ATE1: variants seen among roughly 807,000 people sequenced by gnomAD.
ATE1 encodes the protein arginyl-tRNA--protein transferase 1.
Under a neutral mutation model 70.5 loss-of-function variants are expected in ATE1, and 36 were observed. The ratio of observed to expected loss-of-function variants is 0.51; its 90% CI spans 0.39 to 0.67. ATE1 has a LOEUF of 0.67. ATE1 is among the 30% of genes least tolerant of loss of function. The probability of loss-of-function intolerance (pLI) is 0.00; values close to 1 mark genes in which losing one functional copy is unlikely to be tolerated. For missense variants in ATE1, 593 were observed against 629.5 expected, an observed-to-expected ratio of 0.94 and a Z score of 0.62; for synonymous variants, 232 against 219.3, an observed-to-expected ratio of 1.06 and a Z score of -0.51.
chr10:121,890,556 T>C (rs528039407), intron 7 of ATE1, among the ~76,000 whole-genome samples: 22 of 152,302 alleles, frequency 1.4e-4, no homozygotes, highest in African/African-American at 4.6e-4. Flanking sequence ...ATGTTGATAA[T>C]AAAATTTGGG....
rs372290142 is a variant in ATE1, at chr10:121,906,528, C to CAAAATAAAATAAAAT, written c.584-3923_584-3909dup. Among the ~76,000 whole-genome samples the CAAAATAAAATAAAAT allele has an allele frequency of 3.8e-3, 556 of 146,036 alleles. 1 individual carries two copies. The highest frequency in any genetic ancestry group is 0.031 in the East Asian group (151 of 4,912). Reference sequence around the variant, plus strand: ...TGGGAGACAGAGTAAGACCCTGTCTCAAAATAAAATAAAATAAAATAAAAA... The same window carrying CAAAATAAAATAAAAT: ...TGGGAGACAGAGTAAGACCCTGTCTCAAAATAAAATAAAATAAAATAAAATAAAATAAAATAAAAA... On this transcript the variant is annotated intron_variant, in intron 5 of 11. Coordinates refer to ENST00000224652, the MANE Select transcript of ATE1 (RefSeq NM_001001976.3).
intron 11 of ATE1, among the ~76,000 whole-genome samples, chr10:121,789,960 A>C (rs1946368362): frequency 6.7e-6 from 1 of 150,272 alleles, no homozygotes. Flanking sequence ...GTGCACGAGC[A>C]CGTGAGGTTT....
chr10:121,792,404 T>C (rs183348968), intron 10 of ATE1, among the ~76,000 whole-genome samples: 4 of 152,284 alleles, frequency 2.6e-5, no homozygotes, highest in African/African-American at 9.6e-5. Context: ...TAGGAGCAGA[T>C]AACAGGGTGA....
At chr10:121,900,116 T>C (rs1032028829) in intron 6 of ATE1, 122 bp from the exon 7 acceptor site, 3 of 1,090,350 alleles carry the variant, frequency 2.8e-6, no homozygotes, top group Admixed American at 5.9e-5. Context: ...AGCACCTAAA[T>C]ATTTTAATAT....
intron 11 of ATE1, among the ~76,000 whole-genome samples, chr10:121,786,661 T>C (rs1946227269): frequency 6.6e-6 from 1 of 152,062 alleles, no homozygotes; most frequent in Non-Finnish European, 1.5e-5. Flanking sequence ...AAATCTTTAT[T>C]AGACACTGGG....
intron 8 of ATE1, among the ~76,000 whole-genome samples, chr10:121,852,940 TGACA>T (rs1949110190): frequency 6.6e-6 from 1 of 152,206 alleles, no homozygotes; most frequent in South Asian, 2.1e-4. Flanking sequence ...ATTTTCTGGC[TGACA>T]ATTAGACACT....
intron 4 of ATE1, among the ~76,000 whole-genome samples, chr10:121,913,406 G>A (rs1951522727): frequency 6.6e-6 from 1 of 152,088 alleles, no homozygotes; most frequent in African/African-American, 2.4e-5. Context: ...AAAGGAATAG[G>A]GCAATCTTGT....
At position 121,743,438 on chromosome 10, in the gene ATE1, C is replaced by T. The variant is rs188545293; in HGVS notation, c.*242G>A. On this transcript the variant is annotated 3_prime_UTR_variant, in exon 12 of 12. Coordinates refer to ENST00000224652, the MANE Select transcript of ATE1 (RefSeq NM_001001976.3). ...GAGCGTATCTTGCTCTAGAAAGAAT[C>T]CTCCAAAATGATAAATCCCAATTAT... is the stretch of plus-strand genomic sequence containing the variant. 4.5e-4 allele frequency: 299 copies of T among 664,612 alleles called. 3 individuals are homozygous for T. The African/African-American group carries it at 5.0e-3, about 11-fold the overall frequency. 41.2% of individuals were successfully genotyped at this position (664,612 alleles called of 1,614,324 possible).
At chr10:121,762,671 C>T (rs1243750868) in intron 11 of ATE1, among the ~76,000 whole-genome samples, 1 of 152,154 alleles carries the variant, frequency 6.6e-6, no homozygotes, top group African/African-American at 2.4e-5. Context: ...GGGATGGCGT[C>T]CTGTTGAGGA....
At chr10:121,827,257 C>T (rs1948060258) in intron 10 of ATE1, among the ~76,000 whole-genome samples, 1 of 152,156 alleles carries the variant, frequency 6.6e-6, no homozygotes, top group African/African-American at 2.4e-5. Context: ...CGTGATCCAC[C>T]TGCCTCAGCC....
At chr10:121,892,499 CT>C (rs34400277) in intron 7 of ATE1, among the ~76,000 whole-genome samples, 37,193 of 125,492 alleles carry the variant, frequency 0.3, 5,055 homozygotes, top group South Asian at 0.41. Flanking sequence ...GGTGACAAAA[CT>C]TTTTTTTTTT....
At position 121,755,710 on chromosome 10, in the gene ATE1, G is replaced by A. The variant is rs529748082; in HGVS notation, c.1379-11852C>T. On this transcript the variant is annotated intron_variant, in intron 11 of 11. Transcript: ENST00000224652. ...GTGGCAGGCAGAGAGCTTGTGCAGG[G>A]CAACTCCCATTTTTAAAACCACCAG... Among the ~76,000 whole-genome samples the A allele has an allele frequency of 3.5e-4, 54 of 152,158 alleles. No homozygotes were observed. The South Asian group carries it at 0.011, about 32-fold the overall frequency.
At chr10:121,877,700 C>T (rs1372880693) in intron 7 of ATE1, among the ~76,000 whole-genome samples, 1 of 151,962 alleles carries the variant, frequency 6.6e-6, no homozygotes, top group Non-Finnish European at 1.5e-5. Context: ...AAATTAAAAC[C>T]CCAATACAAT....
At chr10:121,881,367 T>A (rs906092008) in intron 7 of ATE1, among the ~76,000 whole-genome samples, 5 of 152,142 alleles carry the variant, frequency 3.3e-5, no homozygotes, top group Non-Finnish European at 7.4e-5. Flanking sequence ...AGTACCCCAA[T>A]ATAGCTAACT....
chr10:121,756,641 C>A (rs1296946861), intron 11 of ATE1, among the ~76,000 whole-genome samples: 1 of 152,232 alleles, frequency 6.6e-6, no homozygotes, highest in Non-Finnish European at 1.5e-5. Context: ...AGGCTCAACA[C>A]CATGTGGAAG....
At chr10:121,926,585 T>C in intron 1 of ATE1, 1 of 517,828 alleles carries the variant, frequency 1.9e-6, no homozygotes, top group Non-Finnish European at 2.5e-6. Context: ...CTTATCACAA[T>C]TATTGGAAAA....
chr10:121,918,250 T>C (rs1261031210), intron 3 of ATE1, among the ~76,000 whole-genome samples: 1 of 151,824 alleles, frequency 6.6e-6, no homozygotes, highest in Admixed American at 6.6e-5. Flanking sequence ...GAAGAATCAC[T>C]TGAACCTGGG....
chr10:121,753,884 C>A (rs1425125596), intron 11 of ATE1, among the ~76,000 whole-genome samples: 1 of 152,170 alleles, frequency 6.6e-6, no homozygotes, highest in East Asian at 1.9e-4. Flanking sequence ...GCCAAAGAGA[C>A]ATTTGTGAGT....
At chr10:121,763,683 T>C (rs529700146) in intron 11 of ATE1, among the ~76,000 whole-genome samples, 3 of 152,264 alleles carry the variant, frequency 2.0e-5, no homozygotes, top group African/African-American at 7.2e-5. Flanking sequence ...ATACATGTCA[T>C]TAGACACTTG....
Sources: gnomAD v4.1 joint callset for allele counts (sites outside exome capture counted in the v4.1 genomes callset) on GRCh38, gnomAD v4.1.1 for gene constraint, MANE v1.5 for transcripts, NCBI Gene and HGNC (gene_info 2026-07-23, HGNC 2026-07-21) for gene names.